DCAF17: variants seen among roughly 807,000 people sequenced by gnomAD.
DCAF17 encodes the protein DDB1- and CUL4-associated factor 17.
In DCAF17, 48 loss-of-function variants were observed where a neutral mutation model predicts 66.0. The ratio of observed to expected loss-of-function variants is 0.73; its 90% CI spans 0.58 to 0.92. The LOEUF (loss-of-function observed/expected upper bound fraction) is 0.92. DCAF17 is among the 40% of genes least tolerant of loss of function. The probability of loss-of-function intolerance (pLI) is 0.00; values close to 1 mark genes in which losing one functional copy is unlikely to be tolerated. For missense variants in DCAF17, 562 were observed against 622.8 expected (o/e 0.90, Z 1.04); for synonymous variants, 206 against 214.6 (o/e 0.96, Z 0.35).
At position 171,434,582 on chromosome 2, in the gene DCAF17, G is replaced by C. The variant is rs1244082639; in HGVS notation, c.5G>C (p.Gly2Ala). ...CAGGGCCCGGCCCGCGCCTCCATGG[G>C]CCCGACCCGGAAGCCCAACGTGTGC... M[G>A]PTRKPNVCSR... is the part of the protein sequence containing the mutation. The change falls in exon 1 of 14, where the codon GGC (glycine) becomes GCC (alanine). Residue 2 changes from glycine to alanine, a missense_variant. Gly to Ala is a moderately conservative substitution (Grantham distance 60). Transcript: ENST00000375255. 1 of 1,527,352 alleles carries C rather than the reference G, an allele frequency of 6.5e-7. No homozygotes were observed. Among genetic ancestry groups the C allele is most frequent in the East Asian group, 2.5e-5 (1 of 40,284 alleles). The allele number at this position is 1,527,352 out of a possible 1,614,324, so 94.6% of individuals were successfully genotyped here.
intron 2 of DCAF17, 22 bp downstream of exon 2, chr2:171,435,208 T>C (rs549586409): frequency 6.4e-7 from 1 of 1,560,396 alleles, no homozygotes; most frequent in South Asian, 1.1e-5. Flanking sequence ...TTGATAATTT[T>C]GCTGTAATTC....
intron 2 of DCAF17, among the ~76,000 whole-genome samples, chr2:171,435,956 CAG>C (rs1693903315): frequency 6.6e-6 from 1 of 152,190 alleles, no homozygotes; most frequent in African/African-American, 2.4e-5. Flanking sequence ...CACTTCAAAA[CAG>C]AACCATGTAC....
At chr2:171,472,850 C>A in intron 9 of DCAF17, 2 of 292,372 alleles carry the variant, frequency 6.8e-6, no homozygotes, top group Admixed American at 5.1e-5. Context: ...GGAAATATGG[C>A]ATCATTTCAT....
intron 9 of DCAF17, among the ~76,000 whole-genome samples, chr2:171,472,465 C>T (rs1696299607): frequency 6.6e-6 from 1 of 152,212 alleles, no homozygotes; most frequent in African/African-American, 2.4e-5. Flanking sequence ...AGGCGTAAGC[C>T]ACTGCCCCCG....
At chr2:171,467,400 C>T (rs1011347570) in intron 8 of DCAF17, among the ~76,000 whole-genome samples, 1 of 151,922 alleles carries the variant, frequency 6.6e-6, no homozygotes, top group Non-Finnish European at 1.5e-5. Context: ...TTGGGGAAGT[C>T]AAAAGTTTGG....
At chr2:171,476,719 T>A (rs144043690) in intron 10 of DCAF17, 141 bp from the exon 11 acceptor site, 12 of 645,248 alleles carry the variant, frequency 1.9e-5, no homozygotes, top group Non-Finnish European at 3.4e-5. Flanking sequence ...TGATCACTTA[T>A]TAGTATTGTA....
At chr2:171,442,563 C>CAAAAAA (rs1176443561) in intron 2 of DCAF17, among the ~76,000 whole-genome samples, 1 of 60,628 alleles carries the variant, frequency 1.6e-5, no homozygotes, top group Non-Finnish European at 3.2e-5. Flanking sequence ...GACTCCATCT[C>CAAAAAA]AAAAAAAAAA....
intron 8 of DCAF17, among the ~76,000 whole-genome samples, chr2:171,466,435 G>A (rs990031991): frequency 3.3e-5 from 5 of 151,884 alleles, no homozygotes; most frequent in Non-Finnish European, 5.9e-5. Flanking sequence ...AAGCCCTTTT[G>A]CTGGCTCTCC....
At chr2:171,475,968 A>C (rs1696479059) in intron 10 of DCAF17, among the ~76,000 whole-genome samples, 1 of 152,234 alleles carries the variant, frequency 6.6e-6, no homozygotes, top group African/African-American at 2.4e-5. Context: ...GTTTGAACTT[A>C]AGAAAACAAG....
intron 9 of DCAF17, among the ~76,000 whole-genome samples, chr2:171,471,932 T>C (rs188197065): frequency 1.6e-3 from 241 of 151,988 alleles, no homozygotes; most frequent in African/African-American, 5.3e-3. Flanking sequence ...AGAGAATTGA[T>C]TGAGGCCAAG....
At chr2:171,478,097 C>T (rs1296459722) in intron 12 of DCAF17, 27 bp downstream of exon 12, 1 of 1,560,932 alleles carries the variant, frequency 6.4e-7, no homozygotes, top group African/African-American at 1.4e-5. Flanking sequence ...AGATGACAAA[C>T]CAAACCAGTG....
chr2:171,474,978 A>G (rs1380727978), intron 10 of DCAF17, among the ~76,000 whole-genome samples: 1 of 152,208 alleles, frequency 6.6e-6, no homozygotes, highest in Non-Finnish European at 1.5e-5. Context: ...GAACATGAAG[A>G]AATATAAAAA....
chr2:171,472,964 T>C, intron 9 of DCAF17: 1 of 284,748 alleles, frequency 3.5e-6, no homozygotes. Flanking sequence ...AGGTAATACA[T>C]TTGTGTACAC....
intron 3 of DCAF17, chr2:171,447,309 C>A: frequency 4.1e-6 from 1 of 246,024 alleles, no homozygotes; most frequent in South Asian, 3.6e-5. Context: ...CTTTTCTATT[C>A]ACTTTTTGGC....
At chr2:171,457,934 T>C in intron 6 of DCAF17, 37 bp from the exon 7 acceptor site, 1 of 1,505,536 alleles carries the variant, frequency 6.6e-7, no homozygotes, top group Non-Finnish European at 9.3e-7. Flanking sequence ...GGACTTCCAG[T>C]CTTTTCTCAG....
chr2:171,476,838 A>C lies in DCAF17; in HGVS notation c.1092-22A>C, dbSNP rs763703917. 7 of 1,588,080 alleles carry C rather than the reference A, an allele frequency of 4.4e-6. No homozygotes were observed. In the South Asian group the frequency reaches 6.6e-5, roughly 15 times the overall value. ...TGGTGTTTTGAAGTCTTAGGTTCTC[A>C]GAATCCTTTTTCCCTTCTCAGAGTT... On this transcript the variant is annotated intron_variant, in intron 10 of 13. Coordinates refer to ENST00000375255, the MANE Select transcript of DCAF17 (RefSeq NM_025000.4).
At chr2:171,469,812 AGTTT>A (rs777147076) in intron 9 of DCAF17, among the ~76,000 whole-genome samples, 12 of 152,020 alleles carry the variant, frequency 7.9e-5, no homozygotes, top group Non-Finnish European at 1.6e-4. Flanking sequence ...TTTGTTGGTT[AGTTT>A]GTTTTTCAAG....
intron 2 of DCAF17, 176 bp from the exon 3 acceptor site, chr2:171,443,346 TG>T (rs1694423738): frequency 3.8e-6 from 2 of 529,704 alleles, no homozygotes; most frequent in African/African-American, 2.2e-5. Context: ...ATTTTAATCT[TG>T]TTTTTTTTTA....
chr2:171,463,236 AAAAAC>A (rs1324215321), intron 8 of DCAF17, among the ~76,000 whole-genome samples: 1 of 151,892 alleles, frequency 6.6e-6, no homozygotes, highest in African/African-American at 2.4e-5. Context: ...AAAAAAAAAA[AAAAAC>A]AGAAAGAAGA....
Sources: gnomAD v4.1 joint callset for allele counts (sites outside exome capture counted in the v4.1 genomes callset) on GRCh38, gnomAD v4.1.1 for gene constraint, MANE v1.5 for transcripts, NCBI Gene and HGNC (gene_info 2026-07-23, HGNC 2026-07-21) for gene names.